The following TRIM2 variants were observed in gnomAD, a reference collection of about 807,000 sequenced individuals.
TRIM2 encodes the protein tripartite motif containing 2, also known as tripartite motif-containing protein 2.
Under a neutral mutation model 75.2 loss-of-function variants are expected in TRIM2, and 20 were observed. The ratio of observed to expected loss-of-function variants is 0.27; its 90% CI spans 0.19 to 0.39. TRIM2 has a LOEUF of 0.39. Ranked by LOEUF, TRIM2 falls within the 10% of genes least tolerant of loss-of-function variation. The pLI is 1.00. For missense variants in TRIM2, 660 were observed against 990.8 expected (o/e 0.67, Z 4.48); for synonymous variants, 373 against 388.3 (o/e 0.96, Z 0.46).
At chr4:153,238,377 TA>T (rs57580641) in intron 1 of TRIM2, among the ~76,000 whole-genome samples, 45,159 of 151,838 alleles carry the variant, frequency 0.3, 9,673 homozygotes, top group African/African-American at 0.61. Flanking sequence ...TTCATGGAGG[TA>T]AAGGTAATGA....
At chr4:153,220,730 A>G (rs1213658187) in intron 1 of TRIM2, among the ~76,000 whole-genome samples, 1 of 152,230 alleles carries the variant, frequency 6.6e-6, no homozygotes, top group Admixed American at 6.5e-5. Context: ...AAATGGGCAA[A>G]CATTTCAGTA....
At chr4:153,320,199 G>A (rs1768624656) in intron 8 of TRIM2, among the ~76,000 whole-genome samples, 1 of 152,186 alleles carries the variant, frequency 6.6e-6, no homozygotes, top group Admixed American at 6.5e-5. Flanking sequence ...TGGAGAATCA[G>A]AATCAAATTT....
rs769388262 is a variant in TRIM2 at position 153,295,640 on chromosome 4, T to A, written c.1114T>A (p.Ser372Thr). The A allele has an allele frequency of 1.1e-5, 17 of 1,613,830 alleles. No homozygotes were observed. The highest frequency in any genetic ancestry group is 1.4e-5 in the Non-Finnish European group (17 of 1,180,004). Reference sequence around the variant, plus strand: ...GCAGACCATCATCGGGCAGCCCATGTCCGTCACCATCACCACCAAGGACAA... The same window carrying A: ...GCAGACCATCATCGGGCAGCCCATGACCGTCACCATCACCACCAAGGACAA... ...LRQTIIGQPM[S>T]VTITTKDKDG... The change falls in exon 6 of 12, where the codon TCC (serine) becomes ACC (threonine). Residue 372 changes from serine to threonine, a missense_variant. By Grantham distance (58) the Ser-to-Thr change is moderately conservative. This residue lies in a region of TRIM2 where 620 missense variants were observed against 891.0 expected (regional missense o/e 0.70). Transcript: ENST00000338700. This position sits in a 1 kb window ranked among gnomAD's most constrained non-coding sequence, Gnocchi z 7.2.
chr4:153,326,456 G>A (rs931217416), intron 10 of TRIM2, among the ~76,000 whole-genome samples: 11 of 152,150 alleles, frequency 7.2e-5, no homozygotes, highest in Non-Finnish European at 1.5e-4. Context: ...GTAATGCTGG[G>A]CAGTTAGCAA....
Position 153,294,372 on chromosome 4 carries a change from G to T in TRIM2, c.673G>T (p.Ala225Ser), listed in dbSNP as rs775717184. The T allele has an allele frequency of 1.4e-5, 22 of 1,613,962 alleles. No homozygotes were observed. Among genetic ancestry groups the T allele is most frequent in the Middle Eastern group, 3.3e-4 (2 of 6,084 alleles). The change falls in exon 5 of 12, where the codon GCC becomes TCC. Residue 225 changes from alanine to serine, a missense_variant. Around this residue, in one of 2 missense-constraint regions of TRIM2, gnomAD observed 620 missense variants for 891.0 expected, o/e 0.70. Coordinates refer to ENST00000338700, the MANE Select transcript of TRIM2 (RefSeq NM_015271.5). ...CATTCATCAGTTAACCAACCAAAAG[G>T]CCAGCATCGTGGATGACATTCATTC... ...EIIHQLTNQK[A>S]SIVDDIHSTF...
intron 1 of TRIM2, chr4:153,257,619 T>C (rs1171420056): frequency 4.7e-6 from 6 of 1,284,300 alleles, no homozygotes; most frequent in Non-Finnish European, 6.1e-6. Context: ...TAGGGAATTT[T>C]AACCAGTCTC....
intron 1 of TRIM2, among the ~76,000 whole-genome samples, chr4:153,178,364 G>A (rs529726934): frequency 3.9e-5 from 6 of 152,156 alleles, no homozygotes; most frequent in African/African-American, 1.4e-4. Context: ...ACCAGTTACT[G>A]TACTTGAAGG....
At chr4:153,188,991 G>T (rs1470043962) in intron 1 of TRIM2, among the ~76,000 whole-genome samples, 1 of 151,684 alleles carries the variant, frequency 6.6e-6, no homozygotes, top group Non-Finnish European at 1.5e-5. Context: ...CCATGGCTTT[G>T]CACAGGCCAT....
At chr4:153,203,475 C>T (rs1276564766), upstream of TRIM2, among the ~76,000 whole-genome samples, 1 of 151,486 alleles carries the variant, frequency 6.6e-6, no homozygotes, top group Non-Finnish European at 1.5e-5. Flanking sequence ...ATTTTGCTGA[C>T]TTGGGCATAC....
At chr4:153,310,049 A>G (rs1765912437) in intron 6 of TRIM2, 1 of 152,214 alleles carries the variant, frequency 6.6e-6, no homozygotes, top group Non-Finnish European at 1.5e-5. Context: ...GGAAGTGACC[A>G]GGAAGAATAT....
At chr4:153,223,872 A>G (rs1431914824) in intron 1 of TRIM2, among the ~76,000 whole-genome samples, 1 of 152,238 alleles carries the variant, frequency 6.6e-6, no homozygotes, top group East Asian at 1.9e-4. Flanking sequence ...TCCAAAGATT[A>G]GGCTAGCCCC....
At chr4:153,222,009 AGGAAGGAAAGAGCAAGG>A (rs1740549964) in intron 1 of TRIM2, among the ~76,000 whole-genome samples, 1 of 96,298 alleles carries the variant, frequency 1.0e-5, no homozygotes, top group African/African-American at 4.2e-5. Context: ...GAAGGAAAGA[AGGAAGGAAAGAGCAAGG>A]AAGGAAGGAA....
chr4:153,234,157 A>G (rs970202511), intron 1 of TRIM2, among the ~76,000 whole-genome samples: 1 of 152,202 alleles, frequency 6.6e-6, no homozygotes, highest in Non-Finnish European at 1.5e-5. Context: ...GCTTCCACAG[A>G]CATGTCCTTG....
chr4:153,248,932 G>T lies in TRIM2; in HGVS notation c.31-21403G>T, dbSNP rs1218860324. The stretch of plus-strand genomic sequence containing the variant: ...TTACTCGGAGAAAGTCCCACCCCCA[G>T]CATGGGCGCATCGGCTTAGAACCCT... On this transcript the variant is annotated intron_variant, in intron 1 of 11. Coordinates refer to ENST00000338700, the MANE Select transcript of TRIM2 (RefSeq NM_015271.5). This position sits in a 1 kb window ranked among gnomAD's most constrained non-coding sequence, Gnocchi z 4.0. Among the ~76,000 whole-genome samples, 1 of 152,210 alleles carries T rather than the reference G, an allele frequency of 6.6e-6. No homozygotes were observed. The highest frequency in any genetic ancestry group is 1.5e-5 in the Non-Finnish European group (1 of 68,034).
At chr4:153,332,789 G>C (rs1771777843) in intron 11 of TRIM2, among the ~76,000 whole-genome samples, 1 of 152,170 alleles carries the variant, frequency 6.6e-6, no homozygotes, top group Non-Finnish European at 1.5e-5. Flanking sequence ...ACACTTATAA[G>C]GATAGCTAAA....
At chr4:153,272,493 T>C (rs940460134) in intron 2 of TRIM2, among the ~76,000 whole-genome samples, 1 of 151,534 alleles carries the variant, frequency 6.6e-6, no homozygotes, top group Non-Finnish European at 1.5e-5. Context: ...TATTTATTAA[T>C]TTATTTATTT....
chr4:153,183,604 C>T (rs1052099799), intron 1 of TRIM2, among the ~76,000 whole-genome samples: 1 of 152,064 alleles, frequency 6.6e-6, no homozygotes, highest in African/African-American at 2.4e-5. Context: ...AGATAATATC[C>T]CCAGGCATGG....
chr4:153,257,364 C>G (rs922664812), intron 1 of TRIM2: 7 of 1,105,290 alleles, frequency 6.3e-6, no homozygotes, highest in Non-Finnish European at 7.8e-6. Flanking sequence ...AATCCCTTGC[C>G]TGGTTTGCTG....
chr4:153,251,113 A>G (rs1255186963), intron 1 of TRIM2, among the ~76,000 whole-genome samples: 1 of 152,208 alleles, frequency 6.6e-6, no homozygotes, highest in East Asian at 1.9e-4. Context: ...TTCTCTTTTA[A>G]GGATGCTTAA....
Sources: gnomAD v4.1 joint callset for allele counts (sites outside exome capture counted in the v4.1 genomes callset) on GRCh38, gnomAD v4.1.1 for gene constraint, gnomAD v4.1.1 regional missense constraint, Gnocchi (gnomAD v3.1) non-coding constraint, MANE v1.5 for transcripts, NCBI Gene and HGNC (gene_info 2026-07-23, HGNC 2026-07-21) for gene names.